Variants in KLHL1 observed in about 807,000 individuals in gnomAD.
KLHL1 encodes the protein kelch-like protein 1.
A neutral mutation model predicts 77.7 loss-of-function variants in KLHL1; 47 were observed. The ratio of observed to expected loss-of-function variants is 0.60; its 90% CI spans 0.48 to 0.77. The LOEUF is 0.77. Among genes scored for constraint, KLHL1 ranks in the 30% least tolerant of loss-of-function variants. KLHL1 has a pLI of 0.00. For synonymous variants in KLHL1, 360 were observed against 325.2 expected, an observed-to-expected ratio of 1.11 and a Z score of -1.15; for missense variants, 925 against 910.8, an observed-to-expected ratio of 1.02 and a Z score of -0.20.
intron 1 of KLHL1, among the ~76,000 whole-genome samples, chr13:69,993,017 A>G (rs755470302): frequency 6.6e-6 from 1 of 152,066 alleles, no homozygotes; most frequent in African/African-American, 2.4e-5. Flanking sequence ...TAAAAATTAA[A>G]CTGCCATAAG....
chr13:69,826,194 G>A lies in KLHL1; in HGVS notation c.1414+12782C>T, dbSNP rs1056251687. Among the ~76,000 whole-genome samples, 7 of 152,270 alleles carry A rather than the reference G, an allele frequency of 4.6e-5. No homozygotes were observed. In the South Asian group the frequency reaches 1.5e-3, roughly 32 times the overall value. On this transcript the variant is annotated intron_variant, in intron 6 of 10. Transcript: ENST00000377844. ...ATCTAGTGGTGAAGACTGGAGAAAT[G>A]TTGGTCAAGGAACACAAAATTTTAG...
chr13:69,932,867 T>C (rs1316297942), intron 4 of KLHL1, among the ~76,000 whole-genome samples: 3 of 152,028 alleles, frequency 2.0e-5, no homozygotes, highest in East Asian at 3.9e-4. Flanking sequence ...GTTCTAGGGA[T>C]CTAATTTACA....
intron 1 of KLHL1, among the ~76,000 whole-genome samples, chr13:70,026,883 T>C (rs1385519352): frequency 6.6e-6 from 1 of 151,964 alleles, no homozygotes; most frequent in Admixed American, 6.6e-5. Context: ...GGACTAAAAG[T>C]TGTTAGAAGA....
At position 69,978,751 on chromosome 13, in the gene KLHL1, T is replaced by C. The variant is rs550214634; in HGVS notation, c.498-2949A>G. On this transcript the variant is annotated intron_variant, in intron 1 of 10. Transcript: ENST00000377844. ...ATCTGCCCGCCTTGGCCCCCCAAAG[T>C]GCTGGGATTACAGGCGTGAGCCACT... 1.4e-4 allele frequency among the ~76,000 whole-genome samples: 22 copies of C among 152,274 alleles called. No individual in the cohort carries two copies. In the East Asian group the frequency reaches 1.9e-3, roughly 13 times the overall value.
Position 69,789,142 on chromosome 13 carries a change from C to T in KLHL1, c.1639+7596G>A, listed in dbSNP as rs989480701. 2.6e-5 allele frequency among the ~76,000 whole-genome samples: 4 copies of T among 152,112 alleles called. No homozygotes were observed. The South Asian group carries it at 6.2e-4, about 24-fold the overall frequency. ...GTATCTATCCTCTAAATTTAAAATA[C>T]TTTAATTAAATCATTGCATGAATTT... On this transcript the variant is annotated intron_variant, in intron 7 of 10. Transcript: ENST00000377844.
intron 1 of KLHL1, among the ~76,000 whole-genome samples, chr13:70,013,679 T>C (rs1252496066): frequency 1.3e-5 from 2 of 152,206 alleles, no homozygotes; most frequent in African/African-American, 4.8e-5. Flanking sequence ...ATTTGCATTT[T>C]AAATACTATA....
rs112606117 is a variant in KLHL1 at position 69,823,019 on chromosome 13, A to G, written c.1414+15957T>C. 1.9e-3 allele frequency among the ~76,000 whole-genome samples: 290 copies of G among 152,294 alleles called. 1 individual carries two copies. The highest frequency in any genetic ancestry group is 6.5e-3 in the African/African-American group (271 of 41,582). ...GTTAAGACGTCAAAAGTTCGCTATC[A>G]AGAGCTTGCATTTTAACTGTATTTG... On this transcript the variant is annotated intron_variant, in intron 6 of 10. Coordinates refer to ENST00000377844, the MANE Select transcript of KLHL1 (RefSeq NM_020866.3).
chr13:69,824,659 G>T lies in KLHL1; in HGVS notation c.1414+14317C>A, dbSNP rs182186824. 1.7e-4 allele frequency among the ~76,000 whole-genome samples: 26 copies of T among 152,174 alleles called. 1 individual carries two copies. In the Middle Eastern group the frequency reaches 0.01, roughly 60 times the overall value. On this transcript the variant is annotated intron_variant, in intron 6 of 10. Transcript: ENST00000377844. ...AATCTTAGATAAAAGACTACAAAAT[G>T]TGTGATTTCCATTTATGTGAAGTCT... is the stretch of plus-strand genomic sequence containing the variant.
intron 1 of KLHL1, among the ~76,000 whole-genome samples, chr13:69,995,565 A>T (rs1163341771): frequency 6.6e-6 from 1 of 152,142 alleles, no homozygotes; most frequent in Non-Finnish European, 1.5e-5. Flanking sequence ...ATTGCTGCAA[A>T]TCTATAATGG....
chr13:69,754,631 A>C (rs1042849802), intron 7 of KLHL1, among the ~76,000 whole-genome samples: 2 of 152,158 alleles, frequency 1.3e-5, no homozygotes, highest in African/African-American at 4.8e-5. Flanking sequence ...TCCTAACTCC[A>C]ATTCATTCTT....
intron 4 of KLHL1, among the ~76,000 whole-genome samples, chr13:69,900,029 A>T (rs925107997): frequency 2.6e-5 from 4 of 152,060 alleles, no homozygotes; most frequent in Non-Finnish European, 5.9e-5. Context: ...AATATGGCAC[A>T]CCTCTTTAGG....
chr13:69,846,164 T>C (rs1879452087), intron 5 of KLHL1, among the ~76,000 whole-genome samples: 1 of 151,562 alleles, frequency 6.6e-6, no homozygotes, highest in Admixed American at 6.6e-5. Context: ...GGTTTATGTA[T>C]ATACAAATTT....
intron 7 of KLHL1, among the ~76,000 whole-genome samples, chr13:69,793,899 C>A (rs1566261345): frequency 1.3e-5 from 2 of 152,014 alleles, no homozygotes; most frequent in African/African-American, 2.4e-5. Flanking sequence ...TTGATATGTT[C>A]TTTTTTTACT....
chr13:70,070,135 A>G (rs1887105915), intron 1 of KLHL1, among the ~76,000 whole-genome samples: 1 of 150,840 alleles, frequency 6.6e-6, no homozygotes, highest in South Asian at 2.1e-4. Context: ...CCTGGGTGAC[A>G]GAGTGAGACT....
intron 5 of KLHL1, among the ~76,000 whole-genome samples, chr13:69,866,028 T>C: frequency 6.6e-6 from 1 of 152,162 alleles, no homozygotes; most frequent in East Asian, 1.9e-4. Flanking sequence ...AATAGATGAA[T>C]AGTATAAGTG....
At chr13:69,918,195 T>A (rs1277665664) in intron 4 of KLHL1, among the ~76,000 whole-genome samples, 1 of 152,068 alleles carries the variant, frequency 6.6e-6, no homozygotes, top group African/African-American at 2.4e-5. Context: ...TTTGTTCATA[T>A]GAAGTACTGC....
chr13:70,027,214 A>C (rs1885971016), intron 1 of KLHL1, among the ~76,000 whole-genome samples: 1 of 152,160 alleles, frequency 6.6e-6, no homozygotes, highest in African/African-American at 2.4e-5. Flanking sequence ...AAAAGTAGAT[A>C]AATAGAATTA....
intron 1 of KLHL1, among the ~76,000 whole-genome samples, chr13:70,072,301 C>G (rs2137419142): frequency 6.6e-6 from 1 of 152,206 alleles, no homozygotes; most frequent in African/African-American, 2.4e-5. Context: ...AAACTAATAA[C>G]TTTCCAAAAT....
chr13:69,830,137 T>C (rs1878705177), intron 6 of KLHL1, among the ~76,000 whole-genome samples: 1 of 150,130 alleles, frequency 6.7e-6, no homozygotes, highest in Non-Finnish European at 1.5e-5. Flanking sequence ...ATGGCCTAAA[T>C]GCCCCACATA....
Sources: gnomAD v4.1 joint callset for allele counts (sites outside exome capture counted in the v4.1 genomes callset) on GRCh38, gnomAD v4.1.1 for gene constraint, MANE v1.5 for transcripts, NCBI Gene and HGNC (gene_info 2026-07-23, HGNC 2026-07-21) for gene names.